Variants in RARB observed in about 807,000 individuals in gnomAD.
RARB encodes HBV-activated protein.
RARB carries 17 observed loss-of-function variants against 51.9 expected under a neutral mutation model. The ratio of observed to expected loss-of-function variants is 0.33; its 90% CI spans 0.22 to 0.49. RARB has a LOEUF of 0.49. Among genes scored for constraint, RARB ranks in the 20% least tolerant of loss-of-function variants. The pLI is 0.99. For missense variants in RARB, 369 were observed against 550.8 expected, an observed-to-expected ratio of 0.67 and a Z score of 3.30; for synonymous variants, 215 against 195.4, an observed-to-expected ratio of 1.10 and a Z score of -0.84.
At chr3:25,415,645 TG>T (rs1707683667) in intron 5 of RARB, among the ~76,000 whole-genome samples, 1 of 152,232 alleles carries the variant, frequency 6.6e-6, no homozygotes, top group Admixed American at 6.5e-5. Context: ...ATTGTTTTAA[TG>T]ATGTCTTCTA....
At chr3:24,958,610 A>G (rs1440005360) in intron 2 of RARB, among the ~76,000 whole-genome samples, 1 of 152,198 alleles carries the variant, frequency 6.6e-6, no homozygotes, top group East Asian at 1.9e-4. Context: ...TAGTTTGCAC[A>G]TAATGAGGGG....
chr3:24,853,960 A>C (rs1702599263), intron 1 of RARB, among the ~76,000 whole-genome samples: 1 of 152,214 alleles, frequency 6.6e-6, no homozygotes, highest in Non-Finnish European at 1.5e-5. Context: ...ATTATGTTAC[A>C]ATGCTAGAGA....
At chr3:24,973,703 T>G (rs999081443) in intron 2 of RARB, among the ~76,000 whole-genome samples, 3 of 152,098 alleles carry the variant, frequency 2.0e-5, no homozygotes, top group Admixed American at 6.6e-5. Flanking sequence ...TATTTTATAT[T>G]CTTTGCAGCT....
chr3:24,910,951 G>T (rs1694977517), intron 2 of RARB, among the ~76,000 whole-genome samples: 1 of 152,124 alleles, frequency 6.6e-6, no homozygotes, highest in African/African-American at 2.4e-5. Flanking sequence ...TCTACCACAG[G>T]GCCAACATAA....
intron 5 of RARB, among the ~76,000 whole-genome samples, chr3:25,282,396 C>G (rs1005570417): frequency 6.6e-6 from 1 of 152,214 alleles, no homozygotes; most frequent in Non-Finnish European, 1.5e-5. Flanking sequence ...TAAGCCCTGC[C>G]TCTACTACCC....
At chr3:25,218,702 C>A (rs1192792936) in intron 5 of RARB, among the ~76,000 whole-genome samples, 1 of 152,176 alleles carries the variant, frequency 6.6e-6, no homozygotes. Context: ...TAGCAAAAGT[C>A]TTTCATGTGC....
chr3:25,294,710 C>T (rs937257971), intron 5 of RARB, among the ~76,000 whole-genome samples: 2 of 87,046 alleles, frequency 2.3e-5, no homozygotes, highest in South Asian at 4.1e-4. Context: ...CTCCTTCCAA[C>T]GGCCCGTTGG....
At position 24,965,792 on chromosome 3, in the gene RARB, T is replaced by C. The variant is rs184908008; in HGVS notation, c.-379-94333T>C. Among the ~76,000 whole-genome samples, 15 of 152,288 alleles carry C rather than the reference T, an allele frequency of 9.8e-5. No homozygotes were observed. In the East Asian group the frequency reaches 2.9e-3, roughly 29 times the overall value. ...GGTTCTGTCACTTTTATTGGAAATG[T>C]CACTTTAGCTGAGTCCCAGTTTCCT... is the stretch of plus-strand genomic sequence containing the variant. On this transcript the variant is annotated intron_variant, in intron 2 of 11. Transcript: ENST00000383772.
At chr3:25,197,330 C>T (rs1333015661) in intron 5 of RARB, among the ~76,000 whole-genome samples, 1 of 152,112 alleles carries the variant, frequency 6.6e-6, no homozygotes, top group Non-Finnish European at 1.5e-5. Context: ...GGAATCCTTT[C>T]CCCATTTCTT....
At chr3:25,289,807 T>C (rs1703743585) in intron 5 of RARB, among the ~76,000 whole-genome samples, 1 of 152,318 alleles carries the variant, frequency 6.6e-6, no homozygotes, top group African/African-American at 2.4e-5. Context: ...GAATAAGTCA[T>C]AGATAATTTT....
intron 2 of RARB, among the ~76,000 whole-genome samples, chr3:24,875,045 C>G (rs1703014438): frequency 6.6e-6 from 1 of 152,048 alleles, no homozygotes; most frequent in Non-Finnish European, 1.5e-5. Flanking sequence ...GGGGGTAAAT[C>G]TCTTGCAAAT....
At chr3:25,209,558 G>T (rs1446096938) in intron 5 of RARB, among the ~76,000 whole-genome samples, 1 of 152,158 alleles carries the variant, frequency 6.6e-6, no homozygotes, top group African/African-American at 2.4e-5. Context: ...CTGAAGGGAG[G>T]CAGACCCATG....
At chr3:25,387,989 T>G (rs1198110724) in intron 5 of RARB, among the ~76,000 whole-genome samples, 1 of 152,154 alleles carries the variant, frequency 6.6e-6, no homozygotes, top group Non-Finnish European at 1.5e-5. Context: ...TTCCCCCGTC[T>G]CATTGATTTT....
chr3:25,415,833 T>C lies in RARB; in HGVS notation c.179-45360T>C, dbSNP rs575875564. Among the ~76,000 whole-genome samples, 3 of 152,364 alleles carry C rather than the reference T, an allele frequency of 2.0e-5. No homozygotes were observed. The East Asian group carries it at 5.8e-4, about 29-fold the overall frequency. On this transcript the variant is annotated intron_variant, in intron 5 of 11. Coordinates refer to the RARB transcript ENST00000383772. ...GCAAATACTTATTGAGGGATTGTTA[T>C]GTGTTGTATATTGTTCTAATTACTG... is the stretch of plus-strand genomic sequence containing the variant.
chr3:25,025,906 C>T (rs1697738131), intron 2 of RARB, among the ~76,000 whole-genome samples: 1 of 152,050 alleles, frequency 6.6e-6, no homozygotes, highest in Non-Finnish European at 1.5e-5. Context: ...TAAATTGAAT[C>T]ATATAACATT....
chr3:25,205,005 T>C (rs1701500341), intron 5 of RARB, among the ~76,000 whole-genome samples: 1 of 152,164 alleles, frequency 6.6e-6, no homozygotes, highest in South Asian at 2.1e-4. Context: ...TTTGTTTGGG[T>C]ATGCCTTGCC....
intron 2 of RARB, among the ~76,000 whole-genome samples, chr3:24,896,391 C>T (rs756135636): frequency 5.3e-5 from 8 of 152,134 alleles, no homozygotes; most frequent in Admixed American, 3.3e-4. Flanking sequence ...TCCTGAGTAG[C>T]TGGGATTACA....
At chr3:25,318,061 T>G (rs1704474375) in intron 5 of RARB, among the ~76,000 whole-genome samples, 1 of 152,182 alleles carries the variant, frequency 6.6e-6, no homozygotes, top group African/African-American at 2.4e-5. Context: ...GAGCATGAGT[T>G]CCTCCAGCAA....
chr3:24,884,738 T>C (rs1175598802), intron 2 of RARB, among the ~76,000 whole-genome samples: 1 of 152,166 alleles, frequency 6.6e-6, no homozygotes, highest in Non-Finnish European at 1.5e-5. Flanking sequence ...GAATCTCATG[T>C]TTTTGTCCTC....
Sources: gnomAD v4.1 joint callset for allele counts (sites outside exome capture counted in the v4.1 genomes callset) on GRCh38, gnomAD v4.1.1 for gene constraint, MANE v1.5 for transcripts, NCBI Gene and HGNC (gene_info 2026-07-23, HGNC 2026-07-21) for gene names.